The following AP1S3 variants were observed in gnomAD, a reference collection of about 807,000 sequenced individuals.
AP1S3 encodes adaptor related protein complex 1 subunit sigma 3.
In AP1S3, 10 loss-of-function variants were observed where a neutral mutation model predicts 20.9. The ratio of observed to expected loss-of-function variants is 0.48; its 90% CI spans 0.29 to 0.81. The LOEUF is 0.81. AP1S3 is among the 30% of genes least tolerant of loss of function. AP1S3 has a pLI of 0.08. For synonymous variants in AP1S3, 41 were observed against 61.5 expected, an observed-to-expected ratio of 0.67 and a Z score of 1.56; for missense variants, 154 against 183.8, an observed-to-expected ratio of 0.84 and a Z score of 0.94.
At chr2:223,770,162 G>A in intron 3 of AP1S3, 2 of 1,546,686 alleles carry the variant, frequency 1.3e-6, no homozygotes, top group Non-Finnish European at 8.7e-7. Flanking sequence ...AGACATCCAT[G>A]TACATGAAAG....
At position 223,803,582 on chromosome 2, in the gene AP1S3, A is replaced by G. The variant is rs536664641; in HGVS notation, c.4-25713T>C. 2.0e-5 allele frequency among the ~76,000 whole-genome samples: 3 copies of G among 152,252 alleles called. No homozygotes were observed. In the East Asian group the frequency reaches 5.8e-4, roughly 29 times the overall value. ...TACACCTGAGTTTAGAAAATAATGT[A>G]GGAAATTTGAAGTCACTAAAACAAG... On this transcript the variant is annotated intron_variant, in intron 1 of 4. Transcript: ENST00000396654.
chr2:223,835,885 C>T (rs1692383751), intron 1 of AP1S3, among the ~76,000 whole-genome samples: 1 of 152,212 alleles, frequency 6.6e-6, no homozygotes, highest in Non-Finnish European at 1.5e-5. Context: ...GGGCCTTATT[C>T]CAGCCTCTGT....
intron 1 of AP1S3, among the ~76,000 whole-genome samples, chr2:223,800,129 T>C (rs1368685792): frequency 6.6e-6 from 1 of 151,172 alleles, no homozygotes; most frequent in Non-Finnish European, 1.5e-5. Flanking sequence ...ACAAATGAAT[T>C]GCTTCAACCC....
At chr2:223,807,867 CTTTTTTTTTTTTTTTT>C in intron 1 of AP1S3, among the ~76,000 whole-genome samples, 1 of 43,224 alleles carries the variant, frequency 2.3e-5, no homozygotes, top group Admixed American at 4.3e-4. Context: ...CATTTCTTTT[CTTTTTTTTTTTTTTTT>C]TTTTTTTTTG....
At chr2:223,818,941 G>C (rs1466282329) in intron 1 of AP1S3, among the ~76,000 whole-genome samples, 2 of 152,202 alleles carry the variant, frequency 1.3e-5, no homozygotes, top group African/African-American at 2.4e-5. Flanking sequence ...ATAGATTCAA[G>C]CTTCAGGCAT....
At chr2:223,776,304 C>T (rs1278699185) in intron 2 of AP1S3, 2 of 434,630 alleles carry the variant, frequency 4.6e-6, no homozygotes, top group Admixed American at 3.2e-5. Context: ...ATCAGGGTGT[C>T]TTCACACCCC....
intron 1 of AP1S3, among the ~76,000 whole-genome samples, chr2:223,798,643 G>C (rs1312739920): frequency 1.3e-5 from 2 of 152,204 alleles, no homozygotes; most frequent in African/African-American, 2.4e-5. Flanking sequence ...TGGAAGAAAA[G>C]AAGGAAGGAA....
chr2:223,813,300 G>A (rs57013490), intron 1 of AP1S3, among the ~76,000 whole-genome samples: 4,236 of 152,132 alleles, frequency 0.028, 209 homozygotes, highest in African/African-American at 0.096. Flanking sequence ...CTTTCAAAAC[G>A]TGCCTTTTGA....
intron 1 of AP1S3, among the ~76,000 whole-genome samples, chr2:223,788,285 CCACT>C (rs1691122603): frequency 6.6e-6 from 1 of 151,718 alleles, no homozygotes; most frequent in Non-Finnish European, 1.5e-5. Context: ...GCTTACATCA[CCACT>C]CAGAGGACTT....
At chr2:223,795,885 T>G (rs1380360076) in intron 1 of AP1S3, among the ~76,000 whole-genome samples, 1 of 152,092 alleles carries the variant, frequency 6.6e-6, no homozygotes, top group Non-Finnish European at 1.5e-5. Context: ...ATTAATAAAT[T>G]ACCCAGGCCA....
intron 1 of AP1S3, among the ~76,000 whole-genome samples, chr2:223,835,075 T>TAATATTA (rs772532559): frequency 0.34 from 50,853 of 151,490 alleles, 8,887 homozygotes; most frequent in Middle Eastern, 0.43. Context: ...AGTTTTGACC[T>TAATATTA]TGCAGACCTC....
intron 1 of AP1S3, among the ~76,000 whole-genome samples, chr2:223,812,030 C>G (rs1268659803): frequency 6.6e-6 from 1 of 152,160 alleles, no homozygotes; most frequent in East Asian, 1.9e-4. Flanking sequence ...ATCCACAAGG[C>G]AATGATAACC....
At chr2:223,782,011 CTT>C (rs35909928) in intron 1 of AP1S3, among the ~76,000 whole-genome samples, 65 of 128,326 alleles carry the variant, frequency 5.1e-4, no homozygotes, top group Admixed American at 6.5e-4. Flanking sequence ...GGCTTTAAGT[CTT>C]TTTTTTTTTT....
At chr2:223,810,262 G>A (rs1180256245) in intron 1 of AP1S3, among the ~76,000 whole-genome samples, 5 of 151,952 alleles carry the variant, frequency 3.3e-5, no homozygotes. Flanking sequence ...TATATGACAG[G>A]GGAAAATAAA....
chr2:223,824,193 G>GT (rs1348604331), intron 1 of AP1S3, among the ~76,000 whole-genome samples: 1 of 145,216 alleles, frequency 6.9e-6, no homozygotes, highest in Non-Finnish European at 1.5e-5. Flanking sequence ...AGTAAAGATG[G>GT]GGTTTTGCCA....
At chr2:223,788,187 T>C (rs1691120105) in intron 1 of AP1S3, among the ~76,000 whole-genome samples, 1 of 151,788 alleles carries the variant, frequency 6.6e-6, no homozygotes, top group Non-Finnish European at 1.5e-5. Context: ...CCTCAAGTGA[T>C]CCACCCACCT....
chr2:223,788,123 T>A (rs1346315430), intron 1 of AP1S3, among the ~76,000 whole-genome samples: 1 of 151,856 alleles, frequency 6.6e-6, no homozygotes, highest in African/African-American at 2.4e-5. Flanking sequence ...ATTTTTGTAT[T>A]TTTAGTAGAG....
intron 3 of AP1S3, chr2:223,770,142 A>G: frequency 6.6e-7 from 1 of 1,520,584 alleles, no homozygotes; most frequent in Non-Finnish European, 8.8e-7. Flanking sequence ...AAAAGAAATC[A>G]CAATAGATTA....
At position 223,757,003 on chromosome 2, in the gene AP1S3, T is replaced by C. The variant is rs2106071311; in HGVS notation, c.*1712A>G. On this transcript the variant is annotated 3_prime_UTR_variant, in exon 5 of 5. Coordinates refer to ENST00000396654, the MANE Select transcript of AP1S3 (RefSeq NM_001039569.2). ...TTTACTTTTTCTTTTTTTTTTTTTT[T>C]TTCTTGAGACGCAGTCTTGCTCTGT... is the stretch of plus-strand genomic sequence containing the variant. 1.0e-6 allele frequency: 1 copy of C among 984,014 alleles called. No homozygotes were observed. The allele number at this position is 984,014 out of a possible 1,614,324, so 61.0% of individuals were successfully genotyped here.
Sources: gnomAD v4.1 joint callset for allele counts (sites outside exome capture counted in the v4.1 genomes callset) on GRCh38, gnomAD v4.1.1 for gene constraint, MANE v1.5 for transcripts, NCBI Gene and HGNC (gene_info 2026-07-23, HGNC 2026-07-21) for gene names.